Variants in DLGAP1 observed in about 807,000 individuals in gnomAD.
The protein encoded by DLGAP1 is DLG associated protein 1, also known as disks large-associated protein 1.
A neutral mutation model predicts 90.8 loss-of-function variants in DLGAP1; 11 were observed. The ratio of observed to expected loss-of-function variants is 0.12; its 90% CI spans 0.08 to 0.20. The LOEUF is 0.20. DLGAP1 is among the 10% of genes least tolerant of loss of function. The pLI is 1.00. For missense variants in DLGAP1, 1,050 were observed against 1,333.8 expected (o/e 0.79, Z 3.31); for synonymous variants, 558 against 540.7 (o/e 1.03, Z -0.44).
Position 4,176,818 on chromosome 18 carries a change from G to A in DLGAP1, c.-266-25531C>T, listed in dbSNP as rs183905212. ...TGAGAATTGGAAGAAGGAATGGAGC[G>A]GATGCCATTGTTCATGGAAGTTTAT... On this transcript the variant is annotated intron_variant, in intron 1 of 12. Coordinates refer to ENST00000315677, the MANE Select transcript of DLGAP1 (RefSeq NM_004746.4). 2.8e-4 allele frequency among the ~76,000 whole-genome samples: 42 copies of A among 152,290 alleles called. 2 individuals are homozygous for A. Among genetic ancestry groups the A allele is most frequent in the East Asian group, 1.5e-3 (8 of 5,178 alleles).
At chr18:3,709,585 T>C (rs754095932) in intron 7 of DLGAP1, among the ~76,000 whole-genome samples, 1 of 152,160 alleles carries the variant, frequency 6.6e-6, no homozygotes, top group South Asian at 2.1e-4. Flanking sequence ...GTGCAGAACA[T>C]GTACATTTGC....
At chr18:4,257,971 A>ATATGTG (rs1555773181) in intron 1 of DLGAP1, among the ~76,000 whole-genome samples, 11 of 84,636 alleles carry the variant, frequency 1.3e-4, no homozygotes, top group Middle Eastern at 6.0e-3. Context: ...AGAGTTATAC[A>ATATGTG]TATGTGTGTG....
rs114289914 is a variant in DLGAP1 at position 3,635,037 on chromosome 18, T to C, written c.1592-52789A>G. Among the ~76,000 whole-genome samples the C allele has an allele frequency of 6.9e-3, 1,052 of 152,244 alleles. 6 individuals are homozygous for C. The highest frequency in any genetic ancestry group is 0.024 in the African/African-American group (1,014 of 41,552). ...TGTGTATAATAAACATAGAAATCAC[T>C]ACAATAGAAGATACATGAAATGTCC... On this transcript the variant is annotated intron_variant, in intron 7 of 12. Coordinates refer to ENST00000315677, the MANE Select transcript of DLGAP1 (RefSeq NM_004746.4).
intron 7 of DLGAP1, among the ~76,000 whole-genome samples, chr18:3,657,518 T>C (rs1204319145): frequency 2.6e-5 from 4 of 152,202 alleles, no homozygotes; most frequent in Non-Finnish European, 5.9e-5. Context: ...ACGAAAGATA[T>C]GTGGCACACA....
At chr18:3,718,021 C>T (rs2147300040) in intron 7 of DLGAP1, among the ~76,000 whole-genome samples, 1 of 152,216 alleles carries the variant, frequency 6.6e-6, no homozygotes, top group African/African-American at 2.4e-5. Flanking sequence ...TTCTCGTTCT[C>T]TTTTTCTGAG....
chr18:3,552,737 A>G (rs2053545312), intron 9 of DLGAP1, among the ~76,000 whole-genome samples: 1 of 152,220 alleles, frequency 6.6e-6, no homozygotes, highest in Admixed American at 6.5e-5. Context: ...TGTCAGGGTA[A>G]GGAAGGACTG....
At chr18:3,972,630 T>C (rs9961989) in intron 3 of DLGAP1, among the ~76,000 whole-genome samples, 59,992 of 151,946 alleles carry the variant, frequency 0.39, 12,037 homozygotes, top group Non-Finnish European at 0.42. Flanking sequence ...TGGCATCCGA[T>C]AGTCCTAACT....
Position 3,653,325 on chromosome 18 carries a change from T to C in DLGAP1, c.1592-71077A>G, listed in dbSNP as rs2059378615. ...TTCTCGGAGTTTGGGATTATCAATC[T>C]AAAATCAGAGGTGAGAATTCATCAG... is the stretch of plus-strand genomic sequence containing the variant. On this transcript the variant is annotated intron_variant, in intron 7 of 12. Coordinates refer to ENST00000315677, the MANE Select transcript of DLGAP1 (RefSeq NM_004746.4). This position sits in a 1 kb window ranked among gnomAD's most constrained non-coding sequence, Gnocchi z 4.6. The C allele has an allele frequency of 6.6e-6, 1 of 152,202 alleles. No individual in the cohort carries two copies. Among genetic ancestry groups the C allele is most frequent in the South Asian group, 2.1e-4 (1 of 4,828 alleles). 9.4% of individuals were successfully genotyped at this position (152,202 alleles called of 1,614,324 possible). A position where few individuals can be genotyped will look rare whatever the true frequency, so the allele number is the denominator to read the frequency against.
At chr18:3,861,883 G>GA (rs1287973807) in intron 4 of DLGAP1, among the ~76,000 whole-genome samples, 2 of 152,238 alleles carry the variant, frequency 1.3e-5, no homozygotes, top group African/African-American at 2.4e-5. Flanking sequence ...TTGTTGGGCT[G>GA]AAGTGATCTC....
rs1171494195 is a variant in DLGAP1, at chr18:3,772,338, CTCTCTCTCTCTTTCTTTCTT to C, written c.1173-29846_1173-29827del. Among the ~76,000 whole-genome samples, 39 of 42,310 alleles carry C rather than the reference CTCTCTCTCTCTTTCTTTCTT, an allele frequency of 9.2e-4. 1 individual carries two copies. Among genetic ancestry groups the C allele is most frequent in the African/African-American group, 3.7e-3 (37 of 10,062 alleles). 27.8% of individuals were successfully genotyped at this position (42,310 alleles called of 152,430 possible). A position where few individuals can be genotyped will look rare whatever the true frequency, so the allele number is the denominator to read the frequency against. Reference sequence around the variant, plus strand: ...CCTTCCTTCCTTTCTCTCCTTCTCTCTCTCTCTCTCTTTCTTTCTTTCTTTCTTTCTTTCTTTCTTTCTTT... The same window carrying C: ...CCTTCCTTCCTTTCTCTCCTTCTCTCTCTTTCTTTCTTTCTTTCTTTCTTT... On this transcript the variant is annotated intron_variant, in intron 5 of 12. Coordinates refer to ENST00000315677, the MANE Select transcript of DLGAP1 (RefSeq NM_004746.4).
chr18:3,641,612 C>CACACAG (rs1567883991), intron 7 of DLGAP1, among the ~76,000 whole-genome samples: 2 of 150,238 alleles, frequency 1.3e-5, no homozygotes, highest in Non-Finnish European at 3.0e-5. Context: ...CACACACACA[C>CACACAG]AGACACACAC....
At chr18:3,867,205 T>C (rs574479383) in intron 4 of DLGAP1, among the ~76,000 whole-genome samples, 1 of 152,190 alleles carries the variant, frequency 6.6e-6, no homozygotes, top group Non-Finnish European at 1.5e-5. Context: ...TCAAGATAAC[T>C]TGAAAATAAG....
At chr18:3,893,511 G>A (rs1292101165) in intron 3 of DLGAP1, among the ~76,000 whole-genome samples, 6 of 151,652 alleles carry the variant, frequency 4.0e-5, no homozygotes, top group Non-Finnish European at 4.4e-5. Flanking sequence ...CCTGGGAGGT[G>A]GAGGTTGCAG....
chr18:4,108,304 T>C (rs2075905686), intron 2 of DLGAP1, among the ~76,000 whole-genome samples: 2 of 152,308 alleles, frequency 1.3e-5, no homozygotes, highest in South Asian at 2.1e-4. Flanking sequence ...CACCATTAGA[T>C]CACACCCATT....
At chr18:3,604,924 G>A (rs2057256374) in intron 7 of DLGAP1, among the ~76,000 whole-genome samples, 1 of 152,228 alleles carries the variant, frequency 6.6e-6, no homozygotes, top group Admixed American at 6.5e-5. Flanking sequence ...CCCCGGATCT[G>A]TGTACATACT....
chr18:3,638,138 A>T (rs1187739164), intron 7 of DLGAP1, among the ~76,000 whole-genome samples: 1 of 151,614 alleles, frequency 6.6e-6, no homozygotes, highest in Non-Finnish European at 1.5e-5. Context: ...TAGTAGAGAC[A>T]GGGTTTCACC....
rs1238008953 is a variant in DLGAP1, at chr18:4,119,667, C to A, written c.-159+31513G>T. On this transcript the variant is annotated intron_variant, in intron 2 of 12. Transcript: ENST00000315677. The stretch of plus-strand genomic sequence containing the variant: ...GCTCCAGACTTCCAACTCTTCCAAG[C>A]TAAAAAGAGTGAATTAGACAAAAGC... Among the ~76,000 whole-genome samples the A allele has an allele frequency of 5.9e-5, 9 of 151,994 alleles. No individual in the cohort carries two copies. The East Asian group carries it at 1.7e-3, about 29-fold the overall frequency.
intron 5 of DLGAP1, among the ~76,000 whole-genome samples, chr18:3,750,898 T>A (rs1384438401): frequency 6.6e-6 from 1 of 152,190 alleles, no homozygotes; most frequent in Non-Finnish European, 1.5e-5. Flanking sequence ...TTAGAACCTC[T>A]ATTTAGGTCA....
At chr18:4,002,409 C>T (rs76445346) in intron 3 of DLGAP1, among the ~76,000 whole-genome samples, 6 of 151,998 alleles carry the variant, frequency 3.9e-5, no homozygotes, top group African/African-American at 1.2e-4. Context: ...GCTGCCACCC[C>T]GAGACAGCAA....
Sources: gnomAD v4.1 joint callset for allele counts (sites outside exome capture counted in the v4.1 genomes callset) on GRCh38, gnomAD v4.1.1 for gene constraint, Gnocchi (gnomAD v3.1) non-coding constraint, MANE v1.5 for transcripts, NCBI Gene and HGNC (gene_info 2026-07-23, HGNC 2026-07-21) for gene names.